Variants in PAQR9 observed in about 807,000 individuals in gnomAD.
PAQR9 encodes membrane progestin receptor epsilon.
Under a neutral mutation model 24.0 loss-of-function variants are expected in PAQR9, and 12 were observed. The ratio of observed to expected loss-of-function variants is 0.50; its 90% CI spans 0.32 to 0.81. The LOEUF is 0.81. PAQR9 is among the 30% of genes least tolerant of loss of function. PAQR9 has a pLI of 0.03. For synonymous variants in PAQR9, 266 were observed against 237.6 expected, an observed-to-expected ratio of 1.12 and a Z score of -1.10; for missense variants, 418 against 520.8, an observed-to-expected ratio of 0.80 and a Z score of 1.92.
chr3:142,962,173 C>T lies in PAQR9; in HGVS notation c.*30G>A. On this transcript the variant is annotated 3_prime_UTR_variant, in exon 1 of 1. Coordinates refer to ENST00000340634, the MANE Select transcript of PAQR9 (RefSeq NM_198504.4). ...ACAACAGAAACTCCAAACAGATGGG[C>T]GAACCAGTAGTCTCCTCCAAGGCGG... is the stretch of plus-strand genomic sequence containing the variant. The T allele has an allele frequency of 1.3e-6, 2 of 1,593,996 alleles. No individual in the cohort carries two copies. The highest frequency in any genetic ancestry group is 1.7e-6 in the Non-Finnish European group (2 of 1,168,210).
downstream of PAQR9, among the ~76,000 whole-genome samples, chr3:142,954,052 C>A (rs146265516): frequency 3.5e-4 from 53 of 152,250 alleles, no homozygotes; most frequent in Non-Finnish European, 6.3e-4. Context: ...CTCCTACAAA[C>A]CTTTTCTTCC....
chr3:142,951,803 G>A (rs1161150627), downstream of PAQR9: 3 of 456,530 alleles, frequency 6.6e-6, no homozygotes, highest in Non-Finnish European at 1.3e-5. Context: ...GTCAGCAGAG[G>A]AGACTGTAAA....
downstream of PAQR9, chr3:142,950,540 A>G (rs1174789439): frequency 2.2e-6 from 1 of 444,454 alleles, no homozygotes; most frequent in Admixed American, 2.5e-5. Context: ...CTCAGTCAAT[A>G]TTCTTTCATT....
Position 142,959,556 on chromosome 3 carries a change from A to G in PAQR9, c.*2647T>C, listed in dbSNP as rs887317349. Among the ~76,000 whole-genome samples the G allele has an allele frequency of 2.0e-5, 3 of 152,178 alleles. No individual in the cohort carries two copies. Among genetic ancestry groups the G allele is most frequent in the Non-Finnish European group, 1.5e-5 (1 of 68,030 alleles). On this transcript the variant is annotated 3_prime_UTR_variant, in exon 1 of 1. Coordinates refer to ENST00000340634, the MANE Select transcript of PAQR9 (RefSeq NM_198504.4). ...AAAGGCAAAGGGAAGAGGAAAGTGA[A>G]TCCTCATTCTCTCTGGGACATACTG...
rs1211600858 is a variant in PAQR9 at position 142,962,124 on chromosome 3, T to G, written c.*79A>C. The G allele has an allele frequency of 6.8e-7, 1 of 1,471,496 alleles. No individual in the cohort carries two copies. Among genetic ancestry groups the G allele is most frequent in the African/African-American group, 1.4e-5 (1 of 71,290 alleles). 91.2% of individuals were successfully genotyped at this position (1,471,496 alleles called of 1,614,324 possible). On this transcript the variant is annotated 3_prime_UTR_variant, in exon 1 of 1. Transcript: ENST00000340634. The stretch of plus-strand genomic sequence containing the variant: ...GAGCAAAGAAGAAAACACAATGAAA[T>G]TTGAAAACAAACCAACAATAGCAAC...
rs988145990 is a variant in PAQR9, at chr3:142,956,390, T to C, written c.*5813A>G. On this transcript the variant is annotated 3_prime_UTR_variant, in exon 1 of 1. Transcript: ENST00000340634. ...TGAGGGAAAGGTGGCCTGTCACTTT[T>C]ACACATTGGAGAATAATTTTGCACA... Among the ~76,000 whole-genome samples the C allele has an allele frequency of 4.6e-5, 7 of 152,364 alleles. No homozygotes were observed. The East Asian group carries it at 7.7e-4, about 17-fold the overall frequency.
rs573115032 is a variant in PAQR9 at position 142,963,651 on chromosome 3, G to A, written c.-315C>T. ...CAGCGGCGGCGGCGCGGCTGACTGC[G>A]GCGGCAGCGCGGCAGCGGTGACTGG... On this transcript the variant is annotated 5_prime_UTR_variant, in exon 1 of 1. Transcript: ENST00000340634. The A allele has an allele frequency of 6.3e-5, 40 of 633,872 alleles. No homozygotes were observed. In the African/African-American group the frequency reaches 8.0e-4, roughly 13 times the overall value. The allele number at this position is 633,872 out of a possible 1,614,324, so 39.3% of individuals were successfully genotyped here.
rs942809162 is a variant in PAQR9, at chr3:142,955,696, G to A, written c.*6507C>T. Among the ~76,000 whole-genome samples, 3 of 152,068 alleles carry A rather than the reference G, an allele frequency of 2.0e-5. No homozygotes were observed. Among genetic ancestry groups the A allele is most frequent in the Admixed American group, 6.5e-5 (1 of 15,270 alleles). ...TTGCCTTGGTACTCAGTTGATTGGC[G>A]AGAATAATTTTGTTCATAGCCTCCA... is the stretch of plus-strand genomic sequence containing the variant. On this transcript the variant is annotated 3_prime_UTR_variant, in exon 1 of 1. Transcript: ENST00000340634.
chr3:142,957,593 T>C lies in PAQR9; in HGVS notation c.*4610A>G, dbSNP rs1461818520. Among the ~76,000 whole-genome samples, 1 of 152,228 alleles carries C rather than the reference T, an allele frequency of 6.6e-6. No homozygotes were observed. Among genetic ancestry groups the C allele is most frequent in the East Asian group, 1.9e-4 (1 of 5,198 alleles). ...GGTTTGTTTGTTTGTTTTATTACAC[T>C]ATAAAATTCAGACACTTAAAGACAT... On this transcript the variant is annotated 3_prime_UTR_variant, in exon 1 of 1. Transcript: ENST00000340634.
At position 142,956,715 on chromosome 3, in the gene PAQR9, C is replaced by G. The variant is rs575206193; in HGVS notation, c.*5488G>C. Among the ~76,000 whole-genome samples the G allele has an allele frequency of 6.6e-6, 1 of 152,308 alleles. No homozygotes were observed. The highest frequency in any genetic ancestry group is 2.4e-5 in the African/African-American group (1 of 41,544). ...ACACTCTAATTCTGCAACTTGCTCA[C>G]AGATTCTTAAGGAGCCACTCTAGAA... On this transcript the variant is annotated 3_prime_UTR_variant, in exon 1 of 1. Transcript: ENST00000340634.
At position 142,962,043 on chromosome 3, in the gene PAQR9, T is replaced by C. The variant is rs1934900797; in HGVS notation, c.*160A>G. ...TCCCTACTTCAAAGCCTCCAGTGGG[T>C]TGGGATCCCTTTGTAGCAGTGAACT... On this transcript the variant is annotated 3_prime_UTR_variant, in exon 1 of 1. Transcript: ENST00000340634. 4.8e-6 allele frequency: 4 copies of C among 837,334 alleles called. No homozygotes were observed. The highest frequency in any genetic ancestry group is 7.5e-6 in the Non-Finnish European group (4 of 536,424). 51.9% of individuals were successfully genotyped at this position (837,334 alleles called of 1,614,324 possible).
Position 142,961,508 on chromosome 3 carries a change from C to A in PAQR9, c.*695G>T, listed in dbSNP as rs1357272654. 1 of 152,724 alleles carries A rather than the reference C, an allele frequency of 6.5e-6. No homozygotes were observed. The highest frequency in any genetic ancestry group is 1.5e-5 in the Non-Finnish European group (1 of 68,164). 9.5% of individuals were successfully genotyped at this position (152,724 alleles called of 1,614,324 possible). On this transcript the variant is annotated 3_prime_UTR_variant, in exon 1 of 1. Transcript: ENST00000340634. ...TAATTGAGAACTCTCAAGCAGCTTC[C>A]CCTGATGTCCAGTTCAAGTGTATGC...
In PAQR9 at chr3:142,963,636, G is replaced by A. The variant is rs1053098535; in HGVS notation, c.-300C>T. The A allele has an allele frequency of 2.5e-5, 17 of 681,180 alleles. No homozygotes were observed. The highest frequency in any genetic ancestry group is 3.1e-5 in the Non-Finnish European group (17 of 554,284). 42.2% of individuals were successfully genotyped at this position (681,180 alleles called of 1,614,324 possible). On this transcript the variant is annotated 5_prime_UTR_variant, in exon 1 of 1. Transcript: ENST00000340634. ...CCGCCCGCGCTGCGGCAGCGGCGGC[G>A]GCGCGGCTGACTGCGGCGGCAGCGC...
rs1934951561 is a variant in PAQR9, at chr3:142,963,369, C to A, written c.-33G>T. 1 of 1,176,080 alleles carries A rather than the reference C, an allele frequency of 8.5e-7. No individual in the cohort carries two copies. Among genetic ancestry groups the A allele is most frequent in the Non-Finnish European group, 1.0e-6 (1 of 953,106 alleles). 72.9% of individuals were successfully genotyped at this position (1,176,080 alleles called of 1,614,324 possible). ...GGGGCTCGGCTAGGGCGCGCGCAGG[C>A]GACCTCTGGCGCCGGCTCCCGGGCG... On this transcript the variant is annotated 5_prime_UTR_variant, in exon 1 of 1. Coordinates refer to ENST00000340634, the MANE Select transcript of PAQR9 (RefSeq NM_198504.4).
downstream of PAQR9, chr3:142,952,711 A>G (rs1476223638): frequency 4.4e-6 from 2 of 456,040 alleles, no homozygotes; most frequent in East Asian, 1.4e-4. Context: ...CCTCAGGATT[A>G]CACTGTGACT....
rs1934766489 is a variant in PAQR9, at chr3:142,954,780, A to G, written c.*7423T>C. Among the ~76,000 whole-genome samples the G allele has an allele frequency of 6.6e-6, 1 of 152,242 alleles. No individual in the cohort carries two copies. Among genetic ancestry groups the G allele is most frequent in the Non-Finnish European group, 1.5e-5 (1 of 68,052 alleles). On this transcript the variant is annotated 3_prime_UTR_variant, in exon 1 of 1. Coordinates refer to ENST00000340634, the MANE Select transcript of PAQR9 (RefSeq NM_198504.4). ...TACATGCACAGAACTGGCCAAAGTG[A>G]TACCTATTTCTATAGATTATTTTAT...
In PAQR9 at chr3:142,962,320, C is replaced by T. The variant is rs750310021; in HGVS notation, c.1017G>A (p.Ala339=). 2 of 1,613,950 alleles carry T rather than the reference C, an allele frequency of 1.2e-6. No homozygotes were observed. The highest frequency in any genetic ancestry group is 1.7e-6 in the Non-Finnish European group (2 of 1,179,984). ...VEEGLRQFLQ[A]PPAAPTFSGT... ...CCGAGAAAGTGGGTGCGGCAGGCGG[C>T]GCCTGGAGGAACTGGCGCAGGCCCT... The change falls in exon 1 of 1, where the codon GCG becomes GCA. Residue 339 remains alanine (A), a synonymous_variant. Transcript: ENST00000340634.
rs948891093 is a variant in PAQR9 at position 142,963,488 on chromosome 3, C to A, written c.-152G>T. On this transcript the variant is annotated 5_prime_UTR_variant, in exon 1 of 1. Transcript: ENST00000340634. ...GAGAAGACCCGTGCCTCCGAGCAGC[C>A]GCTCCTAAAAATTAAATAAATCAAT... The A allele has an allele frequency of 1.2e-3, 1,278 of 1,032,410 alleles. 1 individual carries two copies. Among genetic ancestry groups the A allele is most frequent in the Non-Finnish European group, 1.4e-3 (1,210 of 862,932 alleles). The allele number at this position is 1,032,410 out of a possible 1,614,324, so 64.0% of individuals were successfully genotyped here.
rs1184543499 is a variant in PAQR9 at position 142,963,633 on chromosome 3, G to A, written c.-297C>T. On this transcript the variant is annotated 5_prime_UTR_variant, in exon 1 of 1. Coordinates refer to ENST00000340634, the MANE Select transcript of PAQR9 (RefSeq NM_198504.4). ...CGGCCGCCCGCGCTGCGGCAGCGGC[G>A]GCGGCGCGGCTGACTGCGGCGGCAG... The A allele has an allele frequency of 3.4e-5, 23 of 684,656 alleles. No homozygotes were observed. The highest frequency in any genetic ancestry group is 1.3e-4 in the South Asian group (2 of 15,434). The allele number at this position is 684,656 out of a possible 1,614,324, so 42.4% of individuals were successfully genotyped here. A position where few individuals can be genotyped will look rare whatever the true frequency, so the allele number is the denominator to read the frequency against.
Sources: gnomAD v4.1 joint callset for allele counts (sites outside exome capture counted in the v4.1 genomes callset) on GRCh38, gnomAD v4.1.1 for gene constraint, MANE v1.5 for transcripts, NCBI Gene and HGNC (gene_info 2026-07-23, HGNC 2026-07-21) for gene names.